Variants in SCAF8 observed in about 807,000 individuals in gnomAD.
SCAF8 encodes the protein SR-related CTD associated factor 8.
In SCAF8, 23 loss-of-function variants were observed where a neutral mutation model predicts 140.5. The observed-to-expected ratio is 0.16, with a 90% CI of 0.12 to 0.23. The LOEUF is 0.23. Ranked by LOEUF, SCAF8 falls within the 10% of genes least tolerant of loss-of-function variation. The pLI, the probability that SCAF8 is intolerant of heterozygous loss-of-function variation, is 1.00. For missense variants in SCAF8, 1,397 were observed against 1,555.7 expected (o/e 0.90, Z 1.72); for synonymous variants, 575 against 528.9 (o/e 1.09, Z -1.20).
At chr6:154,788,762 A>C (rs1393969436) in intron 4 of SCAF8, among the ~76,000 whole-genome samples, 1 of 152,184 alleles carries the variant, frequency 6.6e-6, no homozygotes, top group Non-Finnish European at 1.5e-5. Context: ...CAAATGTGTA[A>C]ATATTCTATA....
chr6:154,796,356 T>TCC (rs1777604540), intron 6 of SCAF8, among the ~76,000 whole-genome samples: 1 of 75,862 alleles, frequency 1.3e-5, no homozygotes, highest in African/African-American at 5.8e-5. Context: ...AATCCTGTTC[T>TCC]CTCTCTCTCT....
chr6:154,783,134 T>C (rs1488856091), intron 3 of SCAF8, among the ~76,000 whole-genome samples: 1 of 152,208 alleles, frequency 6.6e-6, no homozygotes, highest in Non-Finnish European at 1.5e-5. Context: ...ATAGCTCTGT[T>C]CTCATTTGCT....
In SCAF8 at chr6:154,807,109, T is replaced by C. The variant is rs186848197; in HGVS notation, c.982-961T>C. ...CAGAAGCACTGTAATCGTAGTACTT[T>C]ATGTTTTTAATGGTCTCTCTCTTAG... On this transcript the variant is annotated intron_variant, in intron 9 of 19. Transcript: ENST00000367178. 2.4e-4 allele frequency among the ~76,000 whole-genome samples: 36 copies of C among 152,320 alleles called. No individual in the cohort carries two copies. In the East Asian group the frequency reaches 5.6e-3, roughly 24 times the overall value.
intron 1 of SCAF8, among the ~76,000 whole-genome samples, chr6:154,766,808 A>G (rs560558970): frequency 2.6e-5 from 4 of 152,050 alleles, no homozygotes; most frequent in African/African-American, 9.6e-5. Flanking sequence ...ACGGGTTTCA[A>G]AGCTTTTTTT....
rs375987770 is a variant in SCAF8, at chr6:154,793,023, C to A, written c.475+47C>A. The A allele has an allele frequency of 3.5e-5, 50 of 1,442,318 alleles. No homozygotes were observed. The African/African-American group carries it at 6.2e-4, about 18-fold the overall frequency. The allele number at this position is 1,442,318 out of a possible 1,614,324, so 89.3% of individuals were successfully genotyped here. ...TTGTTGTCTAAATATTCTACTCATA[C>A]TTTTTGGATGACTGTTCATATAAAA... On this transcript the variant is annotated intron_variant, in intron 5 of 19. Coordinates refer to ENST00000367178, the MANE Select transcript of SCAF8 (RefSeq NM_014892.5).
At chr6:154,747,776 AT>A (rs961752102) in intron 1 of SCAF8, among the ~76,000 whole-genome samples, 6 of 150,928 alleles carry the variant, frequency 4.0e-5, no homozygotes, top group Non-Finnish European at 5.9e-5. Flanking sequence ...CATTTAACAC[AT>A]TTTTTTTTGC....
intron 12 of SCAF8, among the ~76,000 whole-genome samples, chr6:154,812,408 CTT>C (rs1778124012): frequency 6.8e-6 from 1 of 146,372 alleles, no homozygotes; most frequent in South Asian, 2.2e-4. Flanking sequence ...GTAAACATAT[CTT>C]TTGTGTGCAC....
rs368498127 is a variant in SCAF8, at chr6:154,803,577, T to A, written c.817T>A (p.Ser273Thr). 6.2e-7 allele frequency: 1 copy of A among 1,612,732 alleles called. No individual in the cohort carries two copies. Among genetic ancestry groups the A allele is most frequent in the Non-Finnish European group, 8.5e-7 (1 of 1,179,420 alleles). ...GGATAGGTTTGATTTTGGGGAAGAC[T>A]CTGAGCATAGTGAAGAACCCAAAAA... ...LMDRFDFGED[S>T]EHSEEPKKEI... The change falls in exon 8 of 20, where the codon TCT (serine) becomes ACT (threonine). Residue 273 changes from serine (S) to threonine (T), a missense_variant. Around this residue, in one of 5 missense-constraint regions of SCAF8, gnomAD observed 339 missense variants for 407.5 expected, o/e 0.83. Transcript: ENST00000367178.
chr6:154,773,892 T>G, intron 1 of SCAF8, 97 bp from the exon 2 acceptor site: 18 of 797,966 alleles, frequency 2.3e-5, no homozygotes, highest in Non-Finnish European at 3.8e-5. Context: ...AAGCAGTATG[T>G]TGGTTTCATT....
intron 1 of SCAF8, among the ~76,000 whole-genome samples, chr6:154,768,350 A>G (rs969399948): frequency 6.6e-6 from 1 of 152,234 alleles, no homozygotes; most frequent in Non-Finnish European, 1.5e-5. Flanking sequence ...TCCACTAAAC[A>G]TAATGAAAAA....
At chr6:154,814,221 A>G (rs1424800665) in intron 12 of SCAF8, among the ~76,000 whole-genome samples, 6 of 152,166 alleles carry the variant, frequency 3.9e-5, no homozygotes, top group Non-Finnish European at 5.9e-5. Context: ...GTTACTCGCG[A>G]GGCTGAGGAT....
chr6:154,819,484 G>A (rs138608968), intron 14 of SCAF8, among the ~76,000 whole-genome samples: 3 of 152,130 alleles, frequency 2.0e-5, no homozygotes, highest in African/African-American at 7.2e-5. Context: ...CCAGCTGCTT[G>A]GGAGGCTGAG....
intron 1 of SCAF8, among the ~76,000 whole-genome samples, chr6:154,761,190 G>A (rs1776383726): frequency 6.6e-6 from 1 of 152,100 alleles, no homozygotes; most frequent in Non-Finnish European, 1.5e-5. Flanking sequence ...TGCTTTGTTT[G>A]CAGTTACATG....
intron 2 of SCAF8, among the ~76,000 whole-genome samples, chr6:154,777,189 A>G (rs980029061): frequency 1.4e-5 from 2 of 146,840 alleles, no homozygotes; most frequent in African/African-American, 5.0e-5. Context: ...TCCAAGGGGA[A>G]AAAAAAAAAA....
chr6:154,813,170 G>A (rs1440173283), intron 12 of SCAF8, among the ~76,000 whole-genome samples: 1 of 152,080 alleles, frequency 6.6e-6, no homozygotes, highest in Non-Finnish European at 1.5e-5. Context: ...TTGTGCCACT[G>A]CACTCCAACC....
At chr6:154,785,554 A>G (rs1390540431) in intron 3 of SCAF8, among the ~76,000 whole-genome samples, 2 of 152,196 alleles carry the variant, frequency 1.3e-5, no homozygotes, top group Non-Finnish European at 2.9e-5. Context: ...ACATGCCACC[A>G]TTAGTATTAT....
At chr6:154,793,960 C>CA (rs1191944288) in intron 5 of SCAF8, among the ~76,000 whole-genome samples, 1 of 151,324 alleles carries the variant, frequency 6.6e-6, no homozygotes, top group Admixed American at 6.6e-5. Flanking sequence ...CTTGCTCTGT[C>CA]ACCCAGGCGG....
chr6:154,751,429 C>T (rs1006489572), intron 1 of SCAF8, among the ~76,000 whole-genome samples: 2 of 151,956 alleles, frequency 1.3e-5, no homozygotes, highest in South Asian at 4.1e-4. Context: ...GGTTTCTCCA[C>T]GTTGGTCAGG....
rs763693704 is a variant in SCAF8 at position 154,810,062 on chromosome 6, G to A, written c.1274G>A (p.Arg425His). The change falls in exon 12 of 20, where the codon CGT becomes CAT. Residue 425 changes from arginine to histidine, a missense_variant. Arg to His is a conservative substitution (Grantham distance 29, BLOSUM62 0). Transcript: ENST00000367178. Reference protein sequence around the residue: ...RSRSRSGSRKRKHRKRSRSRS... With the variant: ...RSRSRSGSRKHKHRKRSRSRS... ...AGGTCACGGTCTGGCTCTAGAAAGC[G>A]TAAACACAGAAAGCGATCACGCTCC... 2.9e-5 allele frequency: 46 copies of A among 1,612,938 alleles called. No homozygotes were observed. The highest frequency in any genetic ancestry group is 3.3e-4 in the Middle Eastern group (2 of 6,084).
Sources: allele counts gnomAD v4.1 joint callset (sites outside exome capture counted in the v4.1 genomes callset), GRCh38; gene constraint gnomAD v4.1.1; regional missense constraint gnomAD v4.1.1; transcripts MANE v1.5; gene names NCBI Gene and HGNC (gene_info 2026-07-23, HGNC 2026-07-21).